HERC4: variants seen among roughly 807,000 people sequenced by gnomAD.
HERC4 encodes probable E3 ubiquitin-protein ligase HERC4.
A neutral mutation model predicts 124.3 loss-of-function variants in HERC4; 28 were observed. That is an observed-to-expected ratio of 0.23 (90% CI 0.17 to 0.31). The LOEUF (loss-of-function observed/expected upper bound fraction) is 0.31. HERC4 is among the 10% of genes least tolerant of loss of function. The probability of loss-of-function intolerance (pLI) is 1.00; values close to 1 mark genes in which losing one functional copy is unlikely to be tolerated. For synonymous variants in HERC4, 407 were observed against 421.5 expected (o/e 0.97, Z 0.42); for missense variants, 713 against 1,229.3 (o/e 0.58, Z 6.28).
At chr10:68,066,066 TCTA>T (rs1359079594) in intron 3 of HERC4, among the ~76,000 whole-genome samples, 4 of 152,188 alleles carry the variant, frequency 2.6e-5, no homozygotes, top group Non-Finnish European at 5.9e-5. Context: ...TACCCATTTT[TCTA>T]CTAACATTAT....
chr10:68,010,656 A>C, intron 9 of HERC4: 1 of 1,459,294 alleles, frequency 6.9e-7, no homozygotes, highest in East Asian at 2.3e-5. Context: ...GGCTTCCTCC[A>C]CCCACTTCTG....
At chr10:67,983,554 C>T (rs1274544577) in intron 15 of HERC4, among the ~76,000 whole-genome samples, 3 of 151,756 alleles carry the variant, frequency 2.0e-5, no homozygotes, top group African/African-American at 7.3e-5. Context: ...CTGAGGTGGG[C>T]GGATCACAAG....
intron 4 of HERC4, chr10:68,039,912 A>G (rs1243982709): frequency 1.1e-5 from 11 of 982,654 alleles, no homozygotes; most frequent in Non-Finnish European, 1.3e-5. Flanking sequence ...TCAAAATACT[A>G]CATTCTCACA....
At chr10:68,004,289 C>T (rs2037411854) in intron 9 of HERC4, among the ~76,000 whole-genome samples, 1 of 152,118 alleles carries the variant, frequency 6.6e-6, no homozygotes, top group Non-Finnish European at 1.5e-5. Context: ...TTTATATATT[C>T]TGGTTATTAA....
chr10:67,999,882 AG>A (rs1589284976), intron 9 of HERC4, among the ~76,000 whole-genome samples: 1 of 152,318 alleles, frequency 6.6e-6, no homozygotes, highest in East Asian at 1.9e-4. Context: ...TCCCTTCATT[AG>A]TAATATATTT....
chr10:68,066,276 T>C (rs188349417), intron 3 of HERC4, among the ~76,000 whole-genome samples: 4 of 152,324 alleles, frequency 2.6e-5, no homozygotes, highest in Admixed American at 1.3e-4. Flanking sequence ...GTATGATATA[T>C]TGGGAATACA....
At chr10:68,007,146 G>A (rs1208688962) in intron 9 of HERC4, among the ~76,000 whole-genome samples, 1 of 151,854 alleles carries the variant, frequency 6.6e-6, no homozygotes, top group East Asian at 1.9e-4. Flanking sequence ...AGATCCTGTG[G>A]GAGTATTTCA....
intron 3 of HERC4, among the ~76,000 whole-genome samples, chr10:68,044,828 A>C (rs2133505392): frequency 6.6e-6 from 1 of 152,316 alleles, no homozygotes. Flanking sequence ...AAGTGACCTG[A>C]ACATTTTGGG....
intron 4 of HERC4, chr10:68,040,028 C>A: frequency 1.4e-6 from 1 of 702,340 alleles, no homozygotes; most frequent in Non-Finnish European, 1.8e-6. Context: ...TGAAGGCAGA[C>A]TATGTGTTTT....
At chr10:68,029,178 GAA>G (rs200488939) in intron 7 of HERC4, among the ~76,000 whole-genome samples, 1 of 148,900 alleles carries the variant, frequency 6.7e-6, no homozygotes, top group South Asian at 2.1e-4. Flanking sequence ...CCCCATCTCA[GAA>G]AAAAAAAAGT....
At chr10:68,025,864 T>C (rs534804369) in intron 7 of HERC4, among the ~76,000 whole-genome samples, 188 bp from the exon 8 acceptor site, 262 of 152,230 alleles carry the variant, frequency 1.7e-3, no homozygotes, top group Non-Finnish European at 2.6e-3. Context: ...TTCCAGGTAA[T>C]GATGTTTTCA....
intron 15 of HERC4, among the ~76,000 whole-genome samples, chr10:67,987,571 G>C (rs182819674): frequency 6.6e-6 from 1 of 152,252 alleles, no homozygotes; most frequent in Admixed American, 6.5e-5. Context: ...CCTGGACCCT[G>C]ATATGCTAAA....
intron 15 of HERC4, among the ~76,000 whole-genome samples, chr10:67,987,795 G>A (rs2036345136): frequency 6.6e-6 from 1 of 152,002 alleles, no homozygotes; most frequent in South Asian, 2.1e-4. Context: ...ATAAATGGCC[G>A]GTAAAGGTTT....
rs367913004 is a variant in HERC4, at chr10:67,989,369, T to G, written c.1634-534A>C. Reference sequence around the variant, plus strand: ...TGGGTCCTTCCCCACATTCACTATTTGTAGTTACTAAGTACAAACACTTCA... The same window carrying G: ...TGGGTCCTTCCCCACATTCACTATTGGTAGTTACTAAGTACAAACACTTCA... On this transcript the variant is annotated intron_variant, in intron 14 of 24. Coordinates refer to ENST00000373700, the MANE Select transcript of HERC4 (RefSeq NM_015601.4). 1.3e-3 allele frequency among the ~76,000 whole-genome samples: 193 copies of G among 152,160 alleles called. 7 individuals carry two copies. The South Asian group carries it at 0.039, about 31-fold the overall frequency.
intron 15 of HERC4, among the ~76,000 whole-genome samples, chr10:67,973,741 G>A (rs898067854): frequency 3.3e-5 from 5 of 152,048 alleles, no homozygotes; most frequent in Non-Finnish European, 7.4e-5. Context: ...TCAACCCTGG[G>A]TAAGAGTAAT....
chr10:68,044,269 C>T (rs2133498016), intron 4 of HERC4, 135 bp downstream of exon 4: 1 of 731,724 alleles, frequency 1.4e-6, no homozygotes, highest in Non-Finnish European at 2.1e-6. Flanking sequence ...AAGAACCAAA[C>T]TCTTATCAAA....
chr10:67,934,409 T>A (rs533942236), intron 22 of HERC4, among the ~76,000 whole-genome samples: 35 of 152,150 alleles, frequency 2.3e-4, no homozygotes, highest in Non-Finnish European at 4.9e-4. Context: ...GAGCCCTCCA[T>A]CCTCTTGATC....
intron 16 of HERC4, among the ~76,000 whole-genome samples, chr10:67,957,582 T>C (rs1589177599): frequency 6.6e-6 from 1 of 152,316 alleles, no homozygotes; most frequent in Middle Eastern, 3.4e-3. Context: ...GGTAATATAT[T>C]GATTGCTAAG....
Position 67,955,023 on chromosome 10 carries a change from T to C in HERC4, c.2133A>G (p.Val711=). The C allele has an allele frequency of 1.2e-6, 2 of 1,600,622 alleles. No individual in the cohort carries two copies. The highest frequency in any genetic ancestry group is 1.4e-5 in the African/African-American group (1 of 73,878). ...LILVVRRENI[V]GDAMEVLRKT... ...TCCTAAGGACTTCCATTGCATCTCC[T>C]ACAATATTTTCTCTACGCACCACTA... Residue 711 remains valine (V), a synonymous_variant, in exon 18 of 25, where the codon GTA becomes GTG. Transcript: ENST00000373700.
Sources: allele counts gnomAD v4.1 joint callset (sites outside exome capture counted in the v4.1 genomes callset), GRCh38; gene constraint gnomAD v4.1.1; transcripts MANE v1.5; gene names NCBI Gene and HGNC (gene_info 2026-07-23, HGNC 2026-07-21).